Variants in ESCO2 observed in about 807,000 individuals in gnomAD.
ESCO2 encodes N-acetyltransferase ESCO2.
In ESCO2, 51 loss-of-function variants were observed where a neutral mutation model predicts 61.7. The observed-to-expected ratio is 0.83, with a 90% CI of 0.66 to 1.04. ESCO2 has a LOEUF of 1.04. ESCO2 is among the 50% of genes least tolerant of loss of function. ESCO2 has a pLI of 0.00. For synonymous variants in ESCO2, 230 were observed against 238.2 expected, an observed-to-expected ratio of 0.97 and a Z score of 0.32; for missense variants, 692 against 686.2, an observed-to-expected ratio of 1.01 and a Z score of -0.09.
In ESCO2 at chr8:27,803,810, G is replaced by A; in HGVS notation, c.*372G>A. The A allele has an allele frequency of 9.8e-7, 1 of 1,019,148 alleles. No homozygotes were observed. The highest frequency in any genetic ancestry group is 1.2e-6 in the Non-Finnish European group (1 of 852,056). 63.1% of individuals were successfully genotyped at this position (1,019,148 alleles called of 1,614,324 possible). A position where few individuals can be genotyped will look rare whatever the true frequency, so the allele number is the denominator to read the frequency against. ...TGGTCTTTTATAAAGCCCACTCTTAGACCAGGATTATCTAATGCCACATCA... is the reference window on the plus strand; with the variant it reads ...TGGTCTTTTATAAAGCCCACTCTTAAACCAGGATTATCTAATGCCACATCA... On this transcript the variant is annotated 3_prime_UTR_variant, in exon 11 of 11. Coordinates refer to ENST00000305188, the MANE Select transcript of ESCO2 (RefSeq NM_001017420.3).
At chr8:27,790,138 C>T (rs1805144465) in intron 7 of ESCO2, among the ~76,000 whole-genome samples, 1 of 152,216 alleles carries the variant, frequency 6.6e-6, no homozygotes. Flanking sequence ...TCACATGACA[C>T]ATTCCCTCTC....
chr8:27,810,428 A>G (rs1805652655), downstream of ESCO2: 1 of 1,608,104 alleles, frequency 6.2e-7, no homozygotes, highest in Non-Finnish European at 8.5e-7. Context: ...GTTCTTCCAT[A>G]TTAATAGGTG....
chr8:27,796,342 T>A (rs1018071235), intron 9 of ESCO2, among the ~76,000 whole-genome samples: 1 of 152,064 alleles, frequency 6.6e-6, no homozygotes, highest in East Asian at 1.9e-4. Context: ...TAGCTAAAGG[T>A]TTGTCAATTA....
At chr8:27,808,230 A>C (rs1351742094), downstream of ESCO2, 1 of 1,246,894 alleles carries the variant, frequency 8.0e-7, no homozygotes, top group Non-Finnish European at 1.0e-6. Context: ...GAGACATGAA[A>C]GAATCATCTT....
At position 27,804,332 on chromosome 8, in the gene ESCO2, G is replaced by T. The variant is rs1202184604; in HGVS notation, c.*894G>T. ...CTTTGGGAACCTGTTACTGACAATT[G>T]ATGTCATTAACAAAATGCCTAGTTG... On this transcript the variant is annotated 3_prime_UTR_variant, in exon 11 of 11. Coordinates refer to ENST00000305188, the MANE Select transcript of ESCO2 (RefSeq NM_001017420.3). The T allele has an allele frequency of 2.0e-6, 2 of 985,354 alleles. No homozygotes were observed. Among genetic ancestry groups the T allele is most frequent in the Non-Finnish European group, 2.4e-6 (2 of 829,872 alleles). 61.0% of individuals were successfully genotyped at this position (985,354 alleles called of 1,614,324 possible). A position where few individuals can be genotyped will look rare whatever the true frequency, so the allele number is the denominator to read the frequency against.
At chr8:27,796,698 A>G (rs1334134033) in intron 9 of ESCO2, among the ~76,000 whole-genome samples, 3 of 152,140 alleles carry the variant, frequency 2.0e-5, no homozygotes, top group African/African-American at 7.2e-5. Context: ...TCCTCCCGTC[A>G]TTGATCTCTA....
intron 9 of ESCO2, among the ~76,000 whole-genome samples, chr8:27,794,482 A>G (rs1377132315): frequency 6.6e-6 from 1 of 152,062 alleles, no homozygotes; most frequent in East Asian, 1.9e-4. Context: ...GGTTATTTAT[A>G]TATTTTGGAT....
upstream of ESCO2, chr8:27,774,530 C>T (rs1585387824): frequency 6.6e-6 from 1 of 152,258 alleles, no homozygotes; most frequent in Non-Finnish European, 1.5e-5. Flanking sequence ...TTCCTCCTAG[C>T]CTGGCGCGCG....
At position 27,803,549 on chromosome 8, in the gene ESCO2, T is replaced by TACACACACACACACAC. The variant is rs56062620; in HGVS notation, c.*114_*129dup. On this transcript the variant is annotated 3_prime_UTR_variant, in exon 11 of 11. Coordinates refer to ENST00000305188, the MANE Select transcript of ESCO2 (RefSeq NM_001017420.3). ...TAAAAAATACCGAGACTCACACTCA[T>TACACACACACACACAC]ACACACACACACACACACGCACACA... 9.1e-6 allele frequency: 12 copies of TACACACACACACACAC among 1,323,902 alleles called. 1 individual carries two copies. Among genetic ancestry groups the TACACACACACACACAC allele is most frequent in the South Asian group, 6.2e-5 (4 of 64,674 alleles). 82.0% of individuals were successfully genotyped at this position (1,323,902 alleles called of 1,614,324 possible).
At chr8:27,779,679 T>G (rs1480851684) in intron 3 of ESCO2, 1 of 159,122 alleles carries the variant, frequency 6.3e-6, no homozygotes, top group Non-Finnish European at 1.4e-5. Flanking sequence ...GTACTCTGGC[T>G]TTTTTTTCTT....
At chr8:27,777,706 A>C (rs999740782) in intron 3 of ESCO2, 1 of 152,340 alleles carries the variant, frequency 6.6e-6, no homozygotes, top group African/African-American at 2.4e-5. Flanking sequence ...ATCCTTCATC[A>C]GAAAAAAAGT....
chr8:27,787,327 TG>T (rs1805067793), intron 5 of ESCO2, among the ~76,000 whole-genome samples: 1 of 146,016 alleles, frequency 6.8e-6, no homozygotes, highest in African/African-American at 2.6e-5. Context: ...AATATGTTTT[TG>T]TTTTTTTTTT....
chr8:27,803,714 A>C lies in ESCO2; in HGVS notation c.*276A>C, dbSNP rs1304529805. On this transcript the variant is annotated 3_prime_UTR_variant, in exon 11 of 11. Transcript: ENST00000305188. ...TGTTTAATTATGAAACTTTGTAGCT[A>C]TAACTGGAAAATTACCTGACTCTTT... The C allele has an allele frequency of 1.7e-6, 2 of 1,195,554 alleles. No individual in the cohort carries two copies. The highest frequency in any genetic ancestry group is 1.6e-5 in the African/African-American group (1 of 63,034). The allele number at this position is 1,195,554 out of a possible 1,614,324, so 74.1% of individuals were successfully genotyped here.
At chr8:27,816,672 AGCC>A (rs1805821604), downstream of ESCO2, among the ~76,000 whole-genome samples, 1 of 152,130 alleles carries the variant, frequency 6.6e-6, no homozygotes, top group Admixed American at 6.5e-5. Flanking sequence ...CACTGCGCCC[AGCC>A]AGAATACTAT....
At chr8:27,808,516 AT>A (rs1805607649), downstream of ESCO2, among the ~76,000 whole-genome samples, 1 of 144,446 alleles carries the variant, frequency 6.9e-6, no homozygotes, top group Admixed American at 6.8e-5. Flanking sequence ...TCTACAAAAA[AT>A]AAAAAAAAAA....
downstream of ESCO2, among the ~76,000 whole-genome samples, chr8:27,805,666 A>C (rs1234382441): frequency 6.6e-6 from 1 of 152,096 alleles, no homozygotes; most frequent in Admixed American, 6.5e-5. Context: ...GCTGAAGTGC[A>C]GTGGTACAAA....
chr8:27,773,113 CT>C (rs1804691641), upstream of ESCO2, among the ~76,000 whole-genome samples: 4 of 152,128 alleles, frequency 2.6e-5, no homozygotes, highest in African/African-American at 7.2e-5. Context: ...TGAGAAAGCA[CT>C]TTTATCTGAG....
intron 4 of ESCO2, among the ~76,000 whole-genome samples, 196 bp downstream of exon 4, chr8:27,780,463 G>A (rs564103712): frequency 1.8e-4 from 28 of 152,324 alleles, no homozygotes; most frequent in Middle Eastern, 3.4e-3. Flanking sequence ...GAAACAAGGA[G>A]ATCCTAGGTT....
chr8:27,816,378 TTTTAA>T (rs68126802), downstream of ESCO2, among the ~76,000 whole-genome samples: 60,408 of 144,728 alleles, frequency 0.42, 13,172 homozygotes, highest in East Asian at 0.62. Context: ...TATTTATTTA[TTTTAA>T]TTTATTTTTT....
Sources: allele counts gnomAD v4.1 joint callset (sites outside exome capture counted in the v4.1 genomes callset), GRCh38; gene constraint gnomAD v4.1.1; transcripts MANE v1.5; gene names NCBI Gene and HGNC (gene_info 2026-07-23, HGNC 2026-07-21).